The following HEATR4 variants were observed in gnomAD, a reference collection of about 807,000 sequenced individuals.
HEATR4 encodes HEAT repeat containing 4.
A neutral mutation model predicts 108.8 loss-of-function variants in HEATR4; 95 were observed. That is an observed-to-expected ratio of 0.87 (90% CI 0.74 to 1.04). The LOEUF (loss-of-function observed/expected upper bound fraction) is 1.04. HEATR4 is among the 50% of genes least tolerant of loss of function. The pLI is 0.00. For missense variants in HEATR4, 1,152 were observed against 1,253.8 expected, an observed-to-expected ratio of 0.92 and a Z score of 1.23; for synonymous variants, 443 against 459.4, an observed-to-expected ratio of 0.96 and a Z score of 0.46.
chr14:73,589,194 A>T, the HEATR4 span, among the ~76,000 whole-genome samples: 1 of 152,180 alleles, frequency 6.6e-6, no homozygotes, highest in African/African-American at 2.4e-5. Flanking sequence ...TATCATACAG[A>T]ACAGCTTCAC....
Position 73,522,408 on chromosome 14 carries a change from C to T in HEATR4, c.745G>A (p.Glu249Lys), listed in dbSNP as rs1888030050. Reference protein sequence around the residue: ...QQYDWSHIRDELTSASDLELL... With the variant: ...QQYDWSHIRDKLTSASDLELL... ...TCCAGGTCACTGGCAGAGGTAAGCT[C>T]ATCCCGAATGTGACTCCAGTCGTAC... Residue 249 changes from glutamate (E) to lysine (K), a missense_variant, in exon 3 of 18, where the codon GAG becomes AAG. By Grantham distance (56) the Glu-to-Lys change is moderately conservative. Coordinates refer to ENST00000553558, the MANE Select transcript of HEATR4 (RefSeq NM_001220484.1). The T allele has an allele frequency of 2.5e-6, 4 of 1,614,278 alleles. No homozygotes were observed. Among genetic ancestry groups the T allele is most frequent in the East Asian group, 4.5e-5 (2 of 44,892 alleles).
rs1361609856 is a variant in HEATR4, at chr14:73,508,243, G to A, written c.1772C>T (p.Thr591Ile). The change falls in exon 9 of 18, where the codon ACT becomes ATT. Residue 591 changes from threonine (T) to isoleucine (I), a missense_variant. Physicochemically the swap from Thr to Ile is moderately conservative, Grantham distance 89 (BLOSUM62 -1). Coordinates refer to ENST00000553558, the MANE Select transcript of HEATR4 (RefSeq NM_001220484.1). ...AAAQCLALEG[T>I]ATYPVIKRIL... ...CCTCTTAATCACAGGGTAAGTAGCA[G>A]TACCTTCCAGAGCCAAGCACTGAGC... The A allele has an allele frequency of 3.1e-6, 5 of 1,613,988 alleles. No individual in the cohort carries two copies. Among genetic ancestry groups the A allele is most frequent in the South Asian group, 2.2e-5 (2 of 91,078 alleles).
the HEATR4 span, among the ~76,000 whole-genome samples, chr14:73,625,790 C>G: frequency 3.3e-5 from 5 of 152,226 alleles, no homozygotes; most frequent in African/African-American, 7.2e-5. Flanking sequence ...GACTGCTCCA[C>G]CAACTGGCCT....
the HEATR4 span, chr14:73,619,404 T>C: frequency 6.2e-7 from 1 of 1,614,158 alleles, no homozygotes; most frequent in South Asian, 1.1e-5. Flanking sequence ...AACTTGTCGA[T>C]GATCTAGGAA....
At chr14:73,522,145 C>T in intron 3 of HEATR4, 127 bp downstream of exon 3, 3 of 961,900 alleles carry the variant, frequency 3.1e-6, no homozygotes, top group South Asian at 3.2e-5. Flanking sequence ...AGAGAGCAGG[C>T]CGGTGGTGGA....
chr14:73,500,551 A>G lies in HEATR4; in HGVS notation c.2285T>C (p.Met762Thr), dbSNP rs767412277. The G allele has an allele frequency of 1.1e-5, 18 of 1,612,310 alleles. No homozygotes were observed. Among genetic ancestry groups the G allele is most frequent in the Non-Finnish European group, 1.4e-5 (17 of 1,179,418 alleles). ...TGAGAATATGTTTCCCTGACTCACC[A>G]TCTTGTCGCGGATCTGCAGGGCACC... The part of the protein sequence containing the change: ...AAGALQIRDK[M>T]VLECLLNLMQ... The change falls in exon 12 of 18, where the codon ATG becomes ACG. Residue 762 changes from methionine to threonine, a missense_variant and splice_region_variant. By Grantham distance (81) the Met-to-Thr change is moderately conservative. Transcript: ENST00000553558.
rs778412349 is a variant in HEATR4, at chr14:73,492,762, C to A, written c.2844+304G>T. On this transcript the variant is annotated intron_variant, in intron 17 of 17. Transcript: ENST00000553558. This position sits in a 1 kb window ranked among gnomAD's most constrained non-coding sequence, Gnocchi z 4.9. The stretch of plus-strand genomic sequence containing the variant: ...TCCCGTGTGTATCATCTGGAAGAAC[C>A]CAAGTGCTTGGAAATATACCCCCAG... The A allele has an allele frequency of 1.1e-5, 18 of 1,613,892 alleles. No individual in the cohort carries two copies. The highest frequency in any genetic ancestry group is 1.5e-5 in the Non-Finnish European group (18 of 1,179,892).
chr14:73,575,485 A>G, the HEATR4 span: 481,592 of 1,463,818 alleles, frequency 0.33, 39,437 homozygotes, highest in East Asian at 0.81. Context: ...TTGGGTGGCC[A>G]CGAGGGGACA....
chr14:73,547,769 C>T (rs1444377485), intron 1 of HEATR4, among the ~76,000 whole-genome samples: 1 of 113,998 alleles, frequency 8.8e-6, no homozygotes, highest in African/African-American at 2.9e-5. Flanking sequence ...ACCTGTACTC[C>T]CAACTACTTG....
intron 1 of HEATR4, among the ~76,000 whole-genome samples, chr14:73,548,626 A>G (rs1889272285): frequency 8.6e-6 from 1 of 115,920 alleles, no homozygotes; most frequent in Non-Finnish European, 1.9e-5. Context: ...GTGGAGGTTC[A>G]GCACATTCTG....
intron 5 of HEATR4, among the ~76,000 whole-genome samples, chr14:73,517,684 A>G (rs1887693411): frequency 1.4e-5 from 2 of 146,362 alleles, no homozygotes; most frequent in South Asian, 4.3e-4. Context: ...AAAAAAAAGA[A>G]GAAGAAAAGA....
At chr14:73,573,450 C>A in the HEATR4 span, 5 of 1,613,570 alleles carry the variant, frequency 3.1e-6, no homozygotes, top group South Asian at 5.5e-5. Flanking sequence ...GCTGGAGTAT[C>A]GGGCTAGTCT....
chr14:73,569,261 TC>T, the HEATR4 span: 1 of 1,613,646 alleles, frequency 6.2e-7, no homozygotes, highest in Non-Finnish European at 8.5e-7. Context: ...AGCTTCTTTC[TC>T]CCCACCCCCA....
the HEATR4 span, chr14:73,591,746 G>A: frequency 4.6e-6 from 2 of 436,294 alleles, no homozygotes; most frequent in African/African-American, 2.0e-5. Flanking sequence ...CCAAGGAGAC[G>A]ACCCTGAAGA....
Position 73,496,638 on chromosome 14 carries a change from T to C in HEATR4, c.2588A>G (p.Glu863Gly). The C allele has an allele frequency of 5.0e-6, 8 of 1,602,960 alleles. No homozygotes were observed. The highest frequency in any genetic ancestry group is 6.8e-6 in the Non-Finnish European group (8 of 1,169,948). The change falls in exon 15 of 18, where the codon GAA (glutamate) becomes GGA (glycine). Residue 863 changes from glutamate (E) to glycine (G), a missense_variant. Coordinates refer to ENST00000553558, the MANE Select transcript of HEATR4 (RefSeq NM_001220484.1). ...QTMKILNLGN[E>G]GNQEMLQEIK... ...CTCCTGAAGCATTTCTTGGTTTCCT[T>C]CATTTCCTAAGTTGAGTATCTTCAT...
chr14:73,525,970 C>T (rs1376959645), intron 2 of HEATR4, among the ~76,000 whole-genome samples: 1 of 144,158 alleles, frequency 6.9e-6, no homozygotes, highest in African/African-American at 2.5e-5. Context: ...AAAAAAAAAG[C>T]ATCTTCATAA....
At chr14:73,616,313 ATATTAT>A in the HEATR4 span, among the ~76,000 whole-genome samples, 35 of 151,610 alleles carry the variant, frequency 2.3e-4, no homozygotes, top group African/African-American at 8.2e-4. Flanking sequence ...TGTGAAAATA[ATATTAT>A]TATTATTATT....
intron 4 of HEATR4, among the ~76,000 whole-genome samples, 186 bp from the exon 5 acceptor site, chr14:73,519,349 A>T (rs1416929887): frequency 6.6e-6 from 1 of 152,130 alleles, no homozygotes; most frequent in South Asian, 2.1e-4. Context: ...ACAGTGATAA[A>T]TCACTATAGT....
chr14:73,504,146 C>T (rs1254406487), intron 10 of HEATR4, among the ~76,000 whole-genome samples: 4 of 148,810 alleles, frequency 2.7e-5, no homozygotes, highest in Non-Finnish European at 4.4e-5. Context: ...GGCACGATCT[C>T]GGCTCACTGC....
Sources: gnomAD v4.1 joint callset for allele counts (sites outside exome capture counted in the v4.1 genomes callset) on GRCh38, gnomAD v4.1.1 for gene constraint, Gnocchi (gnomAD v3.1) non-coding constraint, MANE v1.5 for transcripts, NCBI Gene and HGNC (gene_info 2026-07-23, HGNC 2026-07-21) for gene names.